Variants in FOSL2 observed in about 807,000 individuals in gnomAD.
The protein encoded by FOSL2 is FOS like 2, AP-1 transcription factor subunit.
In FOSL2, 3 loss-of-function variants were observed where a neutral mutation model predicts 27.7. That is an observed-to-expected ratio of 0.11 (90% confidence interval 0.05 to 0.28). The LOEUF (loss-of-function observed/expected upper bound fraction) is 0.28. FOSL2 is among the 10% of genes least tolerant of loss of function. The pLI is 1.00. For missense variants in FOSL2, 333 were observed against 445.1 expected (o/e 0.75, Z 2.27); for synonymous variants, 179 against 190.1 (o/e 0.94, Z 0.48).
Position 28,408,992 on chromosome 2 carries a change from A to G in FOSL2, c.462+126A>G, listed in dbSNP as rs138170493. 1.7e-4 allele frequency: 99 copies of G among 580,534 alleles called. No individual in the cohort carries two copies. The East Asian group carries it at 2.6e-3, about 15-fold the overall frequency. The allele number at this position is 580,534 out of a possible 1,614,324, so 36.0% of individuals were successfully genotyped here. ...ATGCCCTACAGATGAGTCAGTGGAG[A>G]TAGAGCTTTCCTTCCTTTGGACACA... is the stretch of plus-strand genomic sequence containing the variant. On this transcript the variant is annotated intron_variant, in intron 3 of 3. Transcript: ENST00000264716. This position sits in a 1 kb window ranked among gnomAD's most constrained non-coding sequence, Gnocchi z 4.1.
chr2:28,393,467 C>G lies in FOSL2; in HGVS notation c.-254C>G. ...GCGCCGACTTTTTAGAGGGAGGGAT[C>G]GGGTGGACAACTGGTCCCGCGGCGC... On this transcript the variant is annotated 5_prime_UTR_variant, in exon 1 of 4. It adds an upstream start codon to the 5' untranslated region. Transcript: ENST00000264716. The surrounding 1 kb of genome is among the most constrained non-coding windows in gnomAD (Gnocchi z 4.6). 1 of 455,544 alleles carries G rather than the reference C, an allele frequency of 2.2e-6. No homozygotes were observed. Among genetic ancestry groups the G allele is most frequent in the Non-Finnish European group, 3.9e-6 (1 of 256,376 alleles). The allele number at this position is 455,544 out of a possible 1,614,324, so 28.2% of individuals were successfully genotyped here.
In FOSL2 at chr2:28,393,431, G is replaced by A. The variant is rs1262012964; in HGVS notation, c.-290G>A. The A allele has an allele frequency of 2.8e-5, 11 of 389,922 alleles. No homozygotes were observed. The East Asian group carries it at 4.4e-4, about 16-fold the overall frequency. The allele number at this position is 389,922 out of a possible 1,614,324, so 24.2% of individuals were successfully genotyped here. On this transcript the variant is annotated 5_prime_UTR_variant, in exon 1 of 4. Coordinates refer to ENST00000264716, the MANE Select transcript of FOSL2 (RefSeq NM_005253.4). The surrounding 1 kb of genome is among the most constrained non-coding windows in gnomAD (Gnocchi z 4.6). Reference sequence around the variant, plus strand: ...GGCGGGAGGGCGCGCGCAGGGGAGGGACCGAGAGACGCGCCGACTTTTTAG... The same window carrying A: ...GGCGGGAGGGCGCGCGCAGGGGAGGAACCGAGAGACGCGCCGACTTTTTAG...
chr2:28,393,951 T>A lies in FOSL2; in HGVS notation c.102+129T>A. The A allele has an allele frequency of 1.4e-6, 1 of 692,948 alleles. No homozygotes were observed. Among genetic ancestry groups the A allele is most frequent in the Non-Finnish European group, 2.4e-6 (1 of 418,004 alleles). 42.9% of individuals were successfully genotyped at this position (692,948 alleles called of 1,614,324 possible). A position where few individuals can be genotyped will look rare whatever the true frequency, so the allele number is the denominator to read the frequency against. ...ACCTACGGGCCACCGTTGTAAGTTC[T>A]GGATTTTCGTCCTCCCCTTCCCCCC... On this transcript the variant is annotated intron_variant, in intron 1 of 3. Transcript: ENST00000264716. This position sits in a 1 kb window ranked among gnomAD's most constrained non-coding sequence, Gnocchi z 4.6.
intron 2 of FOSL2, among the ~76,000 whole-genome samples, chr2:28,406,474 A>G (rs1334607906): frequency 6.6e-6 from 1 of 152,150 alleles, no homozygotes; most frequent in East Asian, 1.9e-4. Context: ...TTTACAGACA[A>G]GGAAACGGAG....
chr2:28,407,178 G>T (rs1010309784), intron 2 of FOSL2, among the ~76,000 whole-genome samples: 2 of 152,202 alleles, frequency 1.3e-5, no homozygotes, highest in Non-Finnish European at 2.9e-5. Flanking sequence ...TCTCATTAGC[G>T]AGGGATCTAG....
intron 2 of FOSL2, among the ~76,000 whole-genome samples, chr2:28,406,060 T>C (rs1050561708): frequency 1.9e-4 from 28 of 148,354 alleles, no homozygotes; most frequent in Non-Finnish European, 3.9e-4. Flanking sequence ...TTTTTTTTTT[T>C]TTTTTTTCTT....
In FOSL2 at chr2:28,414,904, C is replaced by T. The variant is rs761905643; in HGVS notation, c.*2456C>T. The T allele has an allele frequency of 4.6e-5, 7 of 152,172 alleles. No homozygotes were observed. Among genetic ancestry groups the T allele is most frequent in the South Asian group, 2.1e-4 (1 of 4,834 alleles). The allele number at this position is 152,172 out of a possible 1,614,324, so 9.4% of individuals were successfully genotyped here. ...ACCCCCAGGCTTTGTCATAGGAGGTCGTTCAGCTTCCCCAAAGTCAGAGGT... is the reference window on the plus strand; with the variant it reads ...ACCCCCAGGCTTTGTCATAGGAGGTTGTTCAGCTTCCCCAAAGTCAGAGGT... On this transcript the variant is annotated 3_prime_UTR_variant, in exon 4 of 4. Transcript: ENST00000264716.
Position 28,404,337 on chromosome 2 carries a change from C to T in FOSL2, c.333C>T (p.Gly111=). Reference sequence around the variant, plus strand: ...TCAAGACCATTGGCACCACCGTGGGCCGCAGGAGGAGAGATGAGCAGGTAC... The same window carrying T: ...TCAAGACCATTGGCACCACCGTGGGTCGCAGGAGGAGAGATGAGCAGGTAC... ...GVIKTIGTTV[G]RRRRDEQLSP... is the part of the protein sequence containing the mutation. The change falls in exon 2 of 4, where the codon GGC becomes GGT. Residue 111 remains glycine (G), a synonymous_variant. Coordinates refer to ENST00000264716, the MANE Select transcript of FOSL2 (RefSeq NM_005253.4). This position sits in a 1 kb window ranked among gnomAD's most constrained non-coding sequence, Gnocchi z 4.7. 6.2e-7 allele frequency: 1 copy of T among 1,614,134 alleles called. No individual in the cohort carries two copies. The highest frequency in any genetic ancestry group is 8.5e-7 in the Non-Finnish European group (1 of 1,180,006).
At chr2:28,411,401 C>G (rs557617530) in intron 3 of FOSL2, among the ~76,000 whole-genome samples, 7 of 152,068 alleles carry the variant, frequency 4.6e-5, no homozygotes, top group Admixed American at 2.0e-4. Flanking sequence ...TTCCGTACCC[C>G]CTTCTCCATG....
At chr2:28,396,807 C>CACACACACAA (rs1663848932) in intron 1 of FOSL2, 2 of 149,610 alleles carry the variant, frequency 1.3e-5, no homozygotes, top group African/African-American at 5.0e-5. Context: ...CACACACACA[C>CACACACACAA]ACACACACAC....
At position 28,412,017 on chromosome 2, in the gene FOSL2, T is replaced by C; in HGVS notation, c.550T>C (p.Leu184=). ...GGAGAAGGAGAAGCTGGAGTTCATG[T>C]TGGTGGCTCACGGCCCAGTGTGCAA... ...QKEKEKLEFM[L]VAHGPVCKIS... Residue 184 remains leucine, a synonymous_variant, in exon 4 of 4, where the codon TTG becomes CTG. Transcript: ENST00000264716. The surrounding 1 kb of genome is among the most constrained non-coding windows in gnomAD (Gnocchi z 7.1). 1 of 1,613,052 alleles carries C rather than the reference T, an allele frequency of 6.2e-7. No homozygotes were observed. The highest frequency in any genetic ancestry group is 1.3e-5 in the African/African-American group (1 of 74,960).
Position 28,397,923 on chromosome 2 carries a change from T to A in FOSL2, c.102+4101T>A, listed in dbSNP as rs551363438. Among the ~76,000 whole-genome samples the A allele has an allele frequency of 1.3e-3, 202 of 152,352 alleles. 2 individuals are homozygous for A. Among genetic ancestry groups the A allele is most frequent in the Middle Eastern group, 0.01 (3 of 294 alleles). The stretch of plus-strand genomic sequence containing the variant: ...TACCAAAAGCCTCTTTGGAGCCGAG[T>A]CTGACATACAAGTCTGGATGATCAG... On this transcript the variant is annotated intron_variant, in intron 1 of 3. Coordinates refer to ENST00000264716, the MANE Select transcript of FOSL2 (RefSeq NM_005253.4).
In FOSL2 at chr2:28,404,002, C is replaced by G; in HGVS notation, c.103-105C>G. ...CCTGACCTTGCCCTTCGAACACTGA[C>G]TGTGCTCTGTGCTGGTTTTTGCCTC... On this transcript the variant is annotated intron_variant, in intron 1 of 3. Coordinates refer to ENST00000264716, the MANE Select transcript of FOSL2 (RefSeq NM_005253.4). The surrounding 1 kb of genome is among the most constrained non-coding windows in gnomAD (Gnocchi z 4.7). The G allele has an allele frequency of 7.3e-7, 1 of 1,372,784 alleles. No homozygotes were observed. Among genetic ancestry groups the G allele is most frequent in the Non-Finnish European group, 1.0e-6 (1 of 988,006 alleles). The allele number at this position is 1,372,784 out of a possible 1,614,324, so 85.0% of individuals were successfully genotyped here. A position where few individuals can be genotyped will look rare whatever the true frequency, so the allele number is the denominator to read the frequency against.
At chr2:28,407,586 T>A (rs1389588881) in intron 2 of FOSL2, among the ~76,000 whole-genome samples, 1 of 152,204 alleles carries the variant, frequency 6.6e-6, no homozygotes, top group African/African-American at 2.4e-5. Context: ...TTCTCCCTGC[T>A]CCTCCAAAAG....
chr2:28,394,690 G>C (rs1300063182), intron 1 of FOSL2: 1 of 152,268 alleles, frequency 6.6e-6, no homozygotes, highest in African/African-American at 2.4e-5. Flanking sequence ...TTGTGCGTGT[G>C]ATCTCTGTGT....
rs773309299 is a variant in FOSL2 at position 28,404,329 on chromosome 2, A to G, written c.325A>G (p.Thr109Ala). 2.5e-6 allele frequency: 4 copies of G among 1,614,142 alleles called. No individual in the cohort carries two copies. The highest frequency in any genetic ancestry group is 1.3e-5 in the African/African-American group (1 of 75,052). Residue 109 changes from threonine (T) to alanine (A), a missense_variant, in exon 2 of 4, where the codon ACC (threonine) becomes GCC (alanine). Around this residue, in one of 4 missense-constraint regions of FOSL2, gnomAD observed 131 missense variants for 157.9 expected, o/e 0.83. Coordinates refer to ENST00000264716, the MANE Select transcript of FOSL2 (RefSeq NM_005253.4). This position sits in a 1 kb window ranked among gnomAD's most constrained non-coding sequence, Gnocchi z 4.7. The stretch of plus-strand genomic sequence containing the variant: ...TGGCGTGATCAAGACCATTGGCACC[A>G]CCGTGGGCCGCAGGAGGAGAGATGA... ...RPGVIKTIGT[T>A]VGRRRRDEQL...
chr2:28,395,279 C>T (rs1341192479), intron 1 of FOSL2, among the ~76,000 whole-genome samples: 1 of 152,362 alleles, frequency 6.6e-6, no homozygotes, highest in African/African-American at 2.4e-5. Flanking sequence ...TACCCACTCC[C>T]TCCGTCTCCC....
rs879193163 is a variant in FOSL2 at position 28,417,186 on chromosome 2, G to A, written c.*4738G>A. On this transcript the variant is annotated 3_prime_UTR_variant, in exon 4 of 4. Transcript: ENST00000264716. ...CACTAAAGAAAGCTTGTTAGAAAAA[G>A]CTTGCTGCTATGGAAGAAAGAACAT... 6.6e-6 allele frequency: 1 copy of A among 151,902 alleles called. No individual in the cohort carries two copies. Among genetic ancestry groups the A allele is most frequent in the South Asian group, 2.1e-4 (1 of 4,812 alleles). The allele number at this position is 151,902 out of a possible 1,614,324, so 9.4% of individuals were successfully genotyped here. A position where few individuals can be genotyped will look rare whatever the true frequency, so the allele number is the denominator to read the frequency against.
intron 2 of FOSL2, among the ~76,000 whole-genome samples, chr2:28,407,952 T>G (rs1330516270): frequency 6.6e-6 from 1 of 152,230 alleles, no homozygotes; most frequent in Admixed American, 6.5e-5. Flanking sequence ...GGAATCTTCC[T>G]TTGTTTGGTT....
Sources: gnomAD v4.1 joint callset for allele counts (sites outside exome capture counted in the v4.1 genomes callset) on GRCh38, gnomAD v4.1.1 for gene constraint, gnomAD v4.1.1 regional missense constraint, Gnocchi (gnomAD v3.1) non-coding constraint, MANE v1.5 for transcripts, NCBI Gene and HGNC (gene_info 2026-07-23, HGNC 2026-07-21) for gene names.